ABL1: variants seen among roughly 807,000 people sequenced by gnomAD.
The protein encoded by ABL1 is ABL proto-oncogene 1, non-receptor tyrosine kinase.
A neutral mutation model predicts 94.7 loss-of-function variants in ABL1; 11 were observed. The observed-to-expected ratio is 0.12, with a 90% CI of 0.07 to 0.19. The LOEUF (loss-of-function observed/expected upper bound fraction) is 0.19. Among genes scored for constraint, ABL1 ranks in the 10% least tolerant of loss-of-function variants. The pLI is 1.00. For missense variants in ABL1, 1,082 were observed against 1,489.4 expected, an observed-to-expected ratio of 0.73 and a Z score of 4.50; for synonymous variants, 656 against 622.4, an observed-to-expected ratio of 1.05 and a Z score of -0.80.
intron 1 of ABL1, among the ~76,000 whole-genome samples, chr9:130,784,061 A>G (rs911394580): frequency 4.6e-5 from 7 of 152,060 alleles, no homozygotes; most frequent in Non-Finnish European, 8.8e-5. Context: ...TTTCTTCTGT[A>G]TTTCTCCAGG....
chr9:130,718,470 G>A (rs1199110240), intron 1 of ABL1, among the ~76,000 whole-genome samples: 1 of 152,096 alleles, frequency 6.6e-6, no homozygotes, highest in East Asian at 1.9e-4. Flanking sequence ...GAATAATTAT[G>A]TTTTTAAATT....
intron 4 of ABL1, among the ~76,000 whole-genome samples, chr9:130,865,046 G>A (rs1202389186): frequency 6.6e-6 from 1 of 152,198 alleles, no homozygotes; most frequent in Non-Finnish European, 1.5e-5. Flanking sequence ...TCCAGAGAAG[G>A]GTACCTGCTG....
chr9:130,741,999 G>T (rs1334049523), intron 1 of ABL1, among the ~76,000 whole-genome samples: 1 of 152,152 alleles, frequency 6.6e-6, no homozygotes, highest in African/African-American at 2.4e-5. Flanking sequence ...CTCAGACAGG[G>T]CCTGGGTGCC....
intron 1 of ABL1, among the ~76,000 whole-genome samples, chr9:130,804,975 CAG>C: frequency 6.6e-6 from 1 of 152,348 alleles, no homozygotes; most frequent in East Asian, 1.9e-4. Flanking sequence ...ACAGGCAAGA[CAG>C]AGTATCTCCT....
intron 1 of ABL1, among the ~76,000 whole-genome samples, chr9:130,747,011 GTGACCCCTTGTATCACTC>G (rs1423211026): frequency 6.6e-6 from 1 of 152,088 alleles, no homozygotes; most frequent in Admixed American, 6.6e-5. Context: ...TGCTTGGTTT[GTGACCCCTTGTATCACTC>G]TGACCCCTTG....
intron 1 of ABL1, among the ~76,000 whole-genome samples, chr9:130,753,611 A>C (rs1831997878): frequency 6.6e-6 from 1 of 150,690 alleles, no homozygotes; most frequent in South Asian, 2.1e-4. Flanking sequence ...TTTTTAGTAG[A>C]GACGGGTTTT....
At chr9:130,796,720 AAAAT>A (rs1046075274) in intron 1 of ABL1, among the ~76,000 whole-genome samples, 15 of 152,118 alleles carry the variant, frequency 9.9e-5, no homozygotes, top group South Asian at 4.2e-4. Flanking sequence ...CACAGGTAAA[AAAAT>A]AAATAAATAA....
intron 1 of ABL1, among the ~76,000 whole-genome samples, chr9:130,782,207 C>T (rs1180929002): frequency 1.3e-5 from 2 of 151,874 alleles, no homozygotes; most frequent in East Asian, 1.9e-4. Context: ...TACAGGCATG[C>T]GCCACCATGC....
At chr9:130,815,827 G>T (rs1490755103) in intron 1 of ABL1, among the ~76,000 whole-genome samples, 1 of 152,088 alleles carries the variant, frequency 6.6e-6, no homozygotes, top group Non-Finnish European at 1.5e-5. Flanking sequence ...TTCGAGACCA[G>T]CCTGGCCAAC....
chr9:130,872,568 A>G lies in ABL1; in HGVS notation c.908-292A>G, dbSNP rs1041651036. On this transcript the variant is annotated intron_variant, in intron 5 of 10. Coordinates refer to ENST00000318560, the MANE Select transcript of ABL1 (RefSeq NM_005157.6). This position sits in a 1 kb window ranked among gnomAD's most constrained non-coding sequence, Gnocchi z 5.0. ...CATCAGACCTAACCATTCAGGGGTA[A>G]ACTGACGGTGGTGAAGGTCATTTGA... Among the ~76,000 whole-genome samples, 2 of 152,198 alleles carry G rather than the reference A, an allele frequency of 1.3e-5. No homozygotes were observed. Among genetic ancestry groups the G allele is most frequent in the Non-Finnish European group, 2.9e-5 (2 of 68,036 alleles).
chr9:130,877,807 AATTT>A (rs1184815019), intron 7 of ABL1, among the ~76,000 whole-genome samples: 1 of 133,778 alleles, frequency 7.5e-6, no homozygotes, highest in Non-Finnish European at 1.6e-5. Flanking sequence ...CACCTGGCTA[AATTT>A]TTTTTTTTTT....
rs537499435 is a variant in ABL1, at chr9:130,776,556, G to A, written c.136+62101G>A. On this transcript the variant is annotated intron_variant, in intron 1 of 10. Transcript: ENST00000372348. ...CGTGCTACTGTACTCTAGCCTGGGC[G>A]ACAAAGTGAGACTCTATCTCAAAAA... 1.8e-4 allele frequency among the ~76,000 whole-genome samples: 26 copies of A among 145,522 alleles called. No individual in the cohort carries two copies. The East Asian group carries it at 4.7e-3, about 26-fold the overall frequency.
chr9:130,759,077 G>A (rs1832077744), intron 1 of ABL1, among the ~76,000 whole-genome samples: 1 of 152,120 alleles, frequency 6.6e-6, no homozygotes, highest in Non-Finnish European at 1.5e-5. Context: ...ATCACAATCT[G>A]ATCAAGAAAT....
chr9:130,846,117 G>A (rs909600099), intron 1 of ABL1, among the ~76,000 whole-genome samples: 75 of 150,524 alleles, frequency 5.0e-4, no homozygotes, highest in African/African-American at 1.7e-3. Context: ...GTGCTTGTGT[G>A]TGTGTGTGTT....
In ABL1 at chr9:130,713,200, C is replaced by T. The variant is rs1723045325; in HGVS notation, c.-1120C>T. 1.3e-5 allele frequency among the ~76,000 whole-genome samples: 2 copies of T among 152,230 alleles called. 1 individual carries two copies. Among genetic ancestry groups the T allele is most frequent in the Admixed American group, 1.3e-4 (2 of 15,298 alleles). On this transcript the variant is annotated 5_prime_UTR_variant, in exon 1 of 11. Transcript: ENST00000372348. ...CCTCGGCGGAGCTCGGGAGATGTGA[C>T]TGCCTGAGGGCGGTGGTGGTGTCAG...
At chr9:130,773,049 A>G (rs759924704) in intron 1 of ABL1, among the ~76,000 whole-genome samples, 1 of 152,226 alleles carries the variant, frequency 6.6e-6, no homozygotes, top group Non-Finnish European at 1.5e-5. Context: ...GGCCGGGTGC[A>G]GCGGCTCACA....
intron 1 of ABL1, among the ~76,000 whole-genome samples, chr9:130,735,961 A>ATATTTTTTTTTTT (rs573602038): frequency 6.2e-4 from 59 of 94,820 alleles, no homozygotes; most frequent in African/African-American, 3.2e-3. Flanking sequence ...ATATATATAT[A>ATATTTTTTTTTTT]TTTTTTTTTT....
chr9:130,825,791 C>G (rs528756447), intron 1 of ABL1, among the ~76,000 whole-genome samples: 1 of 152,326 alleles, frequency 6.6e-6, no homozygotes, highest in African/African-American at 2.4e-5. Flanking sequence ...ATATCCCAAA[C>G]CATTTTTGCT....
intron 7 of ABL1, among the ~76,000 whole-genome samples, chr9:130,876,404 A>ACCTTTT (rs1831342737): frequency 8.0e-6 from 1 of 124,418 alleles, no homozygotes; most frequent in South Asian, 2.2e-4. Context: ...ATAACAAATT[A>ACCTTTT]CTTTTTCTTT....
Sources: allele counts gnomAD v4.1 joint callset (sites outside exome capture counted in the v4.1 genomes callset), GRCh38; gene constraint gnomAD v4.1.1; non-coding constraint Gnocchi (gnomAD v3.1); transcripts MANE v1.5; gene names NCBI Gene and HGNC (gene_info 2026-07-23, HGNC 2026-07-21).